The following TUBGCP3 variants were observed in gnomAD, a reference collection of about 807,000 sequenced individuals.
TUBGCP3 encodes gamma-tubulin complex component 3.
A neutral mutation model predicts 123.1 loss-of-function variants in TUBGCP3; 50 were observed. The observed-to-expected ratio is 0.41, with a 90% confidence interval of 0.32 to 0.51. TUBGCP3 has a LOEUF of 0.51. Ranked by LOEUF, TUBGCP3 falls within the 20% of genes least tolerant of loss-of-function variation. The pLI is 0.36. For missense variants in TUBGCP3, 882 were observed against 1,127.0 expected (o/e 0.78, Z 3.11); for synonymous variants, 405 against 413.9 (o/e 0.98, Z 0.26).
intron 13 of TUBGCP3, among the ~76,000 whole-genome samples, chr13:112,526,622 TACC>T (rs1470147864): frequency 3.6e-5 from 5 of 139,356 alleles, no homozygotes; most frequent in African/African-American, 5.6e-5. Flanking sequence ...CCATCATCAC[TACC>T]ACCAGCACAC....
chr13:112,601,750 T>C, the TUBGCP3 span, among the ~76,000 whole-genome samples: 25,604 of 152,128 alleles, frequency 0.17, 3,379 homozygotes, highest in African/African-American at 0.36. Context: ...TCCGGATTCA[T>C]CTTGCTCTAA....
chr13:112,530,650 C>G (rs1347528006), intron 11 of TUBGCP3, among the ~76,000 whole-genome samples: 1 of 152,186 alleles, frequency 6.6e-6, no homozygotes, highest in Admixed American at 6.5e-5. Flanking sequence ...AGAACCAATT[C>G]CCCTCGTAAT....
chr13:112,517,260 G>C (rs994833074), intron 16 of TUBGCP3, among the ~76,000 whole-genome samples: 34 of 152,028 alleles, frequency 2.2e-4, no homozygotes, highest in African/African-American at 7.5e-4. Flanking sequence ...TCGAGTGATA[G>C]ATTTGCCTTT....
At chr13:112,549,841 T>G (rs909481317) in intron 8 of TUBGCP3, among the ~76,000 whole-genome samples, 2 of 151,690 alleles carry the variant, frequency 1.3e-5, no homozygotes, top group African/African-American at 4.8e-5. Flanking sequence ...ATACCAAAAA[T>G]TAGCCGGGCG....
chr13:112,498,880 C>T, intron 20 of TUBGCP3, 165 bp downstream of exon 20: 1 of 1,612,502 alleles, frequency 6.2e-7, no homozygotes, highest in African/African-American at 1.3e-5. Context: ...GCCCCTCCCT[C>T]TTTACAACTG....
intron 12 of TUBGCP3, 96 bp from the exon 13 acceptor site, chr13:112,527,146 G>A (rs1877203012): frequency 1.8e-6 from 2 of 1,106,954 alleles, no homozygotes; most frequent in Admixed American, 2.1e-5. Flanking sequence ...GCTATTGATT[G>A]AAAACTAACA....
chr13:112,553,665 G>A (rs190947299), intron 8 of TUBGCP3, among the ~76,000 whole-genome samples: 14 of 152,322 alleles, frequency 9.2e-5, no homozygotes, highest in African/African-American at 2.9e-4. Flanking sequence ...TGCTGCCTGG[G>A]GAATCACGCA....
At chr13:112,569,511 C>G (rs1171122957) in intron 1 of TUBGCP3, among the ~76,000 whole-genome samples, 1 of 152,156 alleles carries the variant, frequency 6.6e-6, no homozygotes, top group Non-Finnish European at 1.5e-5. Context: ...AAAAAACAAA[C>G]TGGCTCAGTA....
At chr13:112,592,806 C>T (rs777281877), upstream of TUBGCP3, among the ~76,000 whole-genome samples, 4 of 152,176 alleles carry the variant, frequency 2.6e-5, no homozygotes, top group Non-Finnish European at 5.9e-5. This position sits in a 1 kb window ranked among gnomAD's most constrained non-coding sequence, Gnocchi z 4.1. Flanking sequence ...CCTTCAGACA[C>T]GGCAGTGCAC....
chr13:112,530,005 T>C (rs1371278243), intron 11 of TUBGCP3, among the ~76,000 whole-genome samples: 2 of 152,134 alleles, frequency 1.3e-5, no homozygotes, highest in African/African-American at 2.4e-5. Context: ...CAGAAGAAAC[T>C]GGAAATATAA....
chr13:112,592,754 C>A (rs539041808), upstream of TUBGCP3, among the ~76,000 whole-genome samples: 80 of 152,288 alleles, frequency 5.3e-4, 2 homozygotes, highest in South Asian at 0.015. The surrounding 1 kb of genome is among the most constrained non-coding windows in gnomAD (Gnocchi z 4.1). Context: ...CTGGGTTGGG[C>A]ACAGGGGATA....
At chr13:112,579,375 G>A (rs1318321473) in intron 1 of TUBGCP3, among the ~76,000 whole-genome samples, 1 of 150,968 alleles carries the variant, frequency 6.6e-6, no homozygotes, top group Non-Finnish European at 1.5e-5. Flanking sequence ...CTGAATGCCC[G>A]CGGGGCCACG....
intron 11 of TUBGCP3, among the ~76,000 whole-genome samples, chr13:112,532,870 T>C (rs1244016307): frequency 6.6e-6 from 1 of 152,232 alleles, no homozygotes; most frequent in African/African-American, 2.4e-5. Context: ...TTAGCACTAG[T>C]GGGCTAAAGG....
chr13:112,579,486 G>A (rs192683757), intron 1 of TUBGCP3, among the ~76,000 whole-genome samples: 3 of 147,582 alleles, frequency 2.0e-5, no homozygotes, highest in East Asian at 2.1e-4. Context: ...CGGCATCCCC[G>A]GAGCTCTCGC....
intron 5 of TUBGCP3, among the ~76,000 whole-genome samples, chr13:112,557,311 T>C (rs1055071581): frequency 2.0e-5 from 3 of 152,242 alleles, no homozygotes; most frequent in Non-Finnish European, 4.4e-5. Context: ...GTTTTCTTCA[T>C]AGAACACTAG....
At chr13:112,537,593 G>A (rs1878167824) in intron 11 of TUBGCP3, among the ~76,000 whole-genome samples, 1 of 152,110 alleles carries the variant, frequency 6.6e-6, no homozygotes, top group Non-Finnish European at 1.5e-5. Context: ...AGAACTACTG[G>A]TATGTAGTTT....
chr13:112,557,892 A>G (rs552281239), intron 5 of TUBGCP3, among the ~76,000 whole-genome samples: 2 of 152,388 alleles, frequency 1.3e-5, no homozygotes, highest in South Asian at 2.1e-4. Context: ...ACACAGTCAG[A>G]GAGCCTCCAG....
chr13:112,509,164 C>T (rs1881501251), intron 17 of TUBGCP3, among the ~76,000 whole-genome samples: 1 of 152,220 alleles, frequency 6.6e-6, no homozygotes, highest in Non-Finnish European at 1.5e-5. Context: ...CCAGCCTGGA[C>T]ACCATCACCT....
At chr13:112,536,369 G>C (rs906222013) in intron 11 of TUBGCP3, among the ~76,000 whole-genome samples, 1 of 152,178 alleles carries the variant, frequency 6.6e-6, no homozygotes, top group Non-Finnish European at 1.5e-5. Context: ...TTGAAAGTGT[G>C]TCTCATGTTG....
Sources: allele counts gnomAD v4.1 joint callset (sites outside exome capture counted in the v4.1 genomes callset), GRCh38; gene constraint gnomAD v4.1.1; non-coding constraint Gnocchi (gnomAD v3.1); transcripts MANE v1.5; gene names NCBI Gene and HGNC (gene_info 2026-07-23, HGNC 2026-07-21).